Variants in ZFYVE16 observed in about 807,000 individuals in gnomAD.
ZFYVE16 encodes zinc finger FYVE-type containing 16.
ZFYVE16 carries 89 observed loss-of-function variants against 138.1 expected under a neutral mutation model. The observed-to-expected ratio is 0.64, with a 90% CI of 0.54 to 0.77. ZFYVE16 has a LOEUF of 0.77. Ranked by LOEUF, ZFYVE16 falls within the 30% of genes least tolerant of loss-of-function variation. The pLI, the probability that ZFYVE16 is intolerant of heterozygous loss-of-function variation, is 0.00. For synonymous variants in ZFYVE16, 596 were observed against 618.3 expected (o/e 0.96, Z 0.53); for missense variants, 1,793 against 1,786.7 (o/e 1.00, Z -0.06).
At position 80,434,098 on chromosome 5, in the gene ZFYVE16, C is replaced by T. The variant is rs377381919; in HGVS notation, c.-39-11C>T. 6.6e-5 allele frequency: 100 copies of T among 1,518,654 alleles called. No individual in the cohort carries two copies. In the African/African-American group the frequency reaches 1.1e-3, roughly 17 times the overall value. 94.1% of individuals were successfully genotyped at this position (1,518,654 alleles called of 1,614,324 possible). On this transcript the variant is annotated splice_polypyrimidine_tract_variant and intron_variant, in intron 2 of 18. Coordinates refer to ENST00000505560, the MANE Select transcript of ZFYVE16 (RefSeq NM_001284236.3). ...ATTAAATGAAATATTATTATACTTT[C>T]TATTTTTTAGGCATACAAGAATTAA...
At position 80,437,461 on chromosome 5, in the gene ZFYVE16, A is replaced by G. The variant is rs747614897; in HGVS notation, c.776A>G (p.Lys259Arg). 21 of 1,603,008 alleles carry G rather than the reference A, an allele frequency of 1.3e-5. No homozygotes were observed. The highest frequency in any genetic ancestry group is 1.7e-5 in the Non-Finnish European group (20 of 1,175,382). ...CAAAGTTCCAAAATGTTTCATGCCA[A>G]AGACAAGCTACAACACAAGAGCCAG... ...TRQSSKMFHA[K>R]DKLQHKSQPC... The change falls in exon 4 of 19, where the codon AAA (lysine) becomes AGA (arginine). Residue 259 changes from lysine to arginine, a missense_variant. By Grantham distance (26) the Lys-to-Arg change is conservative (BLOSUM62 2). Coordinates refer to ENST00000505560, the MANE Select transcript of ZFYVE16 (RefSeq NM_001284236.3).
chr5:80,469,996 T>C (rs1754145817), intron 15 of ZFYVE16, among the ~76,000 whole-genome samples: 1 of 151,764 alleles, frequency 6.6e-6, no homozygotes, highest in Admixed American at 6.6e-5. Flanking sequence ...GTTTCCTTTA[T>C]GTCTTTGAAT....
At chr5:80,430,000 A>AC (rs1009435918) in intron 2 of ZFYVE16, among the ~76,000 whole-genome samples, 2 of 152,178 alleles carry the variant, frequency 1.3e-5, no homozygotes, top group Non-Finnish European at 2.9e-5. Flanking sequence ...GGAGACTTTA[A>AC]CACCCCACTG....
chr5:80,463,663 A>G (rs1402766167), intron 15 of ZFYVE16, among the ~76,000 whole-genome samples: 1 of 152,196 alleles, frequency 6.6e-6, no homozygotes, highest in Non-Finnish European at 1.5e-5. Context: ...TCGCGTTATC[A>G]GGCTGCAAAT....
At chr5:80,435,233 C>T (rs536174080) in intron 3 of ZFYVE16, among the ~76,000 whole-genome samples, 172 of 152,244 alleles carry the variant, frequency 1.1e-3, no homozygotes, top group African/African-American at 4.0e-3. Context: ...CGGGGTTTCA[C>T]CATATTGGCT....
chr5:80,449,015 T>C (rs1751697307), intron 8 of ZFYVE16, among the ~76,000 whole-genome samples: 1 of 152,164 alleles, frequency 6.6e-6, no homozygotes, highest in Admixed American at 6.5e-5. Context: ...GGAATGAAGC[T>C]TTGGATTTCT....
At chr5:80,469,206 A>T (rs977272246) in intron 15 of ZFYVE16, among the ~76,000 whole-genome samples, 2 of 150,900 alleles carry the variant, frequency 1.3e-5, no homozygotes, top group Non-Finnish European at 3.0e-5. Context: ...AGGCTCAGGC[A>T]GTCCTCCCAT....
intron 11 of ZFYVE16, 99 bp from the exon 12 acceptor site, chr5:80,455,593 A>T (rs1479413326): frequency 6.4e-6 from 6 of 943,380 alleles, no homozygotes; most frequent in Non-Finnish European, 9.9e-6. Context: ...TGATATTTAT[A>T]CATAATGTTT....
chr5:80,456,889 G>A lies in ZFYVE16; in HGVS notation c.3796-56G>A, dbSNP rs184748181. The A allele has an allele frequency of 5.9e-4, 900 of 1,535,266 alleles. 7 individuals are homozygous for A. In the African/African-American group the frequency reaches 0.011, roughly 19 times the overall value. On this transcript the variant is annotated intron_variant, in intron 13 of 18. Transcript: ENST00000505560. Reference sequence around the variant, plus strand: ...GCCAGAAACGTGGCTCTTAGAATAGGCATATAATATTAAAAGTGTTTCTAA... The same window carrying A: ...GCCAGAAACGTGGCTCTTAGAATAGACATATAATATTAAAAGTGTTTCTAA...
intron 15 of ZFYVE16, among the ~76,000 whole-genome samples, chr5:80,463,743 G>A (rs1311675511): frequency 1.3e-5 from 2 of 152,072 alleles, no homozygotes; most frequent in African/African-American, 4.8e-5. Flanking sequence ...CTTTGTGAAT[G>A]CATAAAACTG....
rs576809556 is a variant in ZFYVE16, at chr5:80,450,915, G to T, written c.3382+329G>T. Among the ~76,000 whole-genome samples the T allele has an allele frequency of 4.0e-5, 6 of 148,398 alleles. No individual in the cohort carries two copies. The South Asian group carries it at 1.1e-3, about 26-fold the overall frequency. ...CAACCTCTGCTTCCCGGGTTCAAGCGATTCTTCTGCCTCTGCCTCTCAGGT... is the reference window on the plus strand; with the variant it reads ...CAACCTCTGCTTCCCGGGTTCAAGCTATTCTTCTGCCTCTGCCTCTCAGGT... On this transcript the variant is annotated intron_variant, in intron 10 of 18. Transcript: ENST00000505560.
At chr5:80,422,186 G>C (rs1465431956) in intron 1 of ZFYVE16, among the ~76,000 whole-genome samples, 1 of 152,152 alleles carries the variant, frequency 6.6e-6, no homozygotes, top group African/African-American at 2.4e-5. Flanking sequence ...TCAGCTTAAG[G>C]AGATTTTGGG....
chr5:80,437,001 G>A lies in ZFYVE16; in HGVS notation c.316G>A (p.Val106Met). ...AACAGGACTTGATCTTCTTTCTTCT[G>A]TGGATGGTGGTACTTCAGATGAAAT... Reference protein sequence around the residue: ...NVTGLDLLSSVDGGTSDEIQP... With the variant: ...NVTGLDLLSSMDGGTSDEIQP... Residue 106 changes from valine to methionine, a missense_variant, in exon 4 of 19, where the codon GTG (valine) becomes ATG (methionine). Around this residue, in one of 2 missense-constraint regions of ZFYVE16, gnomAD observed 1,295 missense variants for 1,204.3 expected, o/e 1.08. Transcript: ENST00000505560. 1 of 1,614,170 alleles carries A rather than the reference G, an allele frequency of 6.2e-7. No homozygotes were observed. The highest frequency in any genetic ancestry group is 1.1e-5 in the South Asian group (1 of 91,084).
chr5:80,426,421 T>C (rs1187815590), intron 1 of ZFYVE16, among the ~76,000 whole-genome samples: 2 of 151,942 alleles, frequency 1.3e-5, no homozygotes, highest in Non-Finnish European at 2.9e-5. Flanking sequence ...CATGCATTAT[T>C]TATCCTGATG....
In ZFYVE16 at chr5:80,429,385, C is replaced by T. The variant is rs189619314; in HGVS notation, c.-40+1840C>T. ...AGTGAAGGAGAAATAAAATCCTTTA[C>T]AGACAAGCAAATGCTGAGAGATTTT... On this transcript the variant is annotated intron_variant, in intron 2 of 18. Transcript: ENST00000505560. 9.2e-3 allele frequency among the ~76,000 whole-genome samples: 1,394 copies of T among 152,294 alleles called. 28 individuals are homozygous for T. Among genetic ancestry groups the T allele is most frequent in the African/African-American group, 0.032 (1,330 of 41,558 alleles).
At chr5:80,462,510 AG>A (rs1225714675) in intron 15 of ZFYVE16, among the ~76,000 whole-genome samples, 3 of 152,154 alleles carry the variant, frequency 2.0e-5, no homozygotes, top group South Asian at 2.1e-4. Flanking sequence ...CTTGACATGC[AG>A]GGATTATAGG....
intron 15 of ZFYVE16, 111 bp downstream of exon 15, chr5:80,459,605 C>G: frequency 1.2e-6 from 1 of 823,130 alleles, no homozygotes; most frequent in Non-Finnish European, 1.8e-6. Context: ...AGCACAGTAC[C>G]ACAAACTTAC....
At chr5:80,476,927 G>A (rs1374385998) in intron 18 of ZFYVE16, among the ~76,000 whole-genome samples, 2 of 151,680 alleles carry the variant, frequency 1.3e-5, no homozygotes, top group African/African-American at 4.8e-5. Context: ...AAGTAATGTC[G>A]GCAGTTATTC....
chr5:80,428,480 G>A (rs1341326662), intron 2 of ZFYVE16, among the ~76,000 whole-genome samples: 2 of 152,060 alleles, frequency 1.3e-5, no homozygotes, highest in African/African-American at 2.4e-5. Context: ...AAAGACCAAA[G>A]GTAGATAAAA....
Sources: allele counts gnomAD v4.1 joint callset (sites outside exome capture counted in the v4.1 genomes callset), GRCh38; gene constraint gnomAD v4.1.1; regional missense constraint gnomAD v4.1.1; transcripts MANE v1.5; gene names NCBI Gene and HGNC (gene_info 2026-07-23, HGNC 2026-07-21).